The following SLIT3 variants were observed in gnomAD, a reference collection of about 807,000 sequenced individuals.
SLIT3 encodes slit homolog 3 protein.
A neutral mutation model predicts 184.0 loss-of-function variants in SLIT3; 68 were observed. The ratio of observed to expected loss-of-function variants is 0.37; its 90% CI spans 0.30 to 0.45. The LOEUF (loss-of-function observed/expected upper bound fraction) is 0.45, where lower values mean the gene tolerates loss of function less well. SLIT3 is among the 20% of genes least tolerant of loss of function. The pLI is 1.00. For synonymous variants in SLIT3, 831 were observed against 828.6 expected (o/e 1.00, Z -0.05); for missense variants, 1,707 against 2,026.0 (o/e 0.84, Z 3.02).
At chr5:169,025,578 A>G (rs62379478) in intron 4 of SLIT3, among the ~76,000 whole-genome samples, 21,744 of 152,172 alleles carry the variant, frequency 0.14, 2,845 homozygotes, top group African/African-American at 0.35. Context: ...CCTGGTAAAG[A>G]CGAGGCATAT....
At chr5:169,249,168 TGTTA>T (rs1414501492) in intron 2 of SLIT3, among the ~76,000 whole-genome samples, 15 of 152,172 alleles carry the variant, frequency 9.9e-5, no homozygotes, top group African/African-American at 3.1e-4. Context: ...ATTTTATTGG[TGTTA>T]GTTAGAAAGC....
rs143585438 is a variant in SLIT3 at position 169,143,854 on chromosome 5, A to G, written c.413+49625T>C. On this transcript the variant is annotated intron_variant, in intron 4 of 35. Coordinates refer to ENST00000519560, the MANE Select transcript of SLIT3 (RefSeq NM_003062.4). ...GTGTGTGTGATGCATGCATTAATAT[A>G]TATCAGGGAGAGAGAAAGTGAGAGA... is the stretch of plus-strand genomic sequence containing the variant. Among the ~76,000 whole-genome samples, 142 of 152,286 alleles carry G rather than the reference A, an allele frequency of 9.3e-4. 5 individuals are homozygous for G. Among genetic ancestry groups the G allele is most frequent in the African/African-American group, 3.3e-3 (138 of 41,564 alleles).
intron 4 of SLIT3, among the ~76,000 whole-genome samples, chr5:169,163,213 C>A (rs1277608793): frequency 2.6e-5 from 4 of 151,986 alleles, no homozygotes; most frequent in Non-Finnish European, 4.4e-5. Flanking sequence ...CCCAGCTACT[C>A]AGGAGGCTGA....
rs942806045 is a variant in SLIT3, at chr5:169,140,249, G to A, written c.413+53230C>T. On this transcript the variant is annotated intron_variant, in intron 4 of 35. Transcript: ENST00000519560. Reference sequence around the variant, plus strand: ...GGAGACCAAAGTGGGCAGATCACGAGGTCAGGATTTCGAGACCAGCCTGGC... The same window carrying A: ...GGAGACCAAAGTGGGCAGATCACGAAGTCAGGATTTCGAGACCAGCCTGGC... Among the ~76,000 whole-genome samples the A allele has an allele frequency of 2.7e-5, 4 of 145,840 alleles. No individual in the cohort carries two copies. The East Asian group carries it at 8.5e-4, about 31-fold the overall frequency.
intron 9 of SLIT3, among the ~76,000 whole-genome samples, chr5:168,804,296 G>A: frequency 1.1e-5 from 1 of 91,382 alleles, no homozygotes; most frequent in South Asian, 4.4e-4. Context: ...GGTGAGAAGA[G>A]TGAAACTCTT....
In SLIT3 at chr5:168,734,140, G is replaced by A. The variant is rs145078087; in HGVS notation, c.2271-9656C>T. Among the ~76,000 whole-genome samples the A allele has an allele frequency of 9.2e-4, 140 of 152,316 alleles. 1 individual carries two copies. The highest frequency in any genetic ancestry group is 1.0e-3 in the Non-Finnish European group (68 of 68,020). ...CAGACTTTACCACAACACAATATAT[G>A]CATGTAAGAAACCTGTACTTGTACC... is the stretch of plus-strand genomic sequence containing the variant. On this transcript the variant is annotated intron_variant, in intron 20 of 35. Transcript: ENST00000519560.
intron 16 of SLIT3, 82 bp downstream of exon 16, chr5:168,760,780 C>T (rs567906507): frequency 5.3e-5 from 54 of 1,016,416 alleles, no homozygotes; most frequent in South Asian, 3.1e-4. Flanking sequence ...GGGGAGAGGC[C>T]GGTCCCCTGG....
At chr5:169,088,720 T>C (rs1229494855) in intron 4 of SLIT3, among the ~76,000 whole-genome samples, 1 of 152,028 alleles carries the variant, frequency 6.6e-6, no homozygotes, top group African/African-American at 2.4e-5. Context: ...CAGGCCCTTC[T>C]TGAGAAGAGC....
intron 4 of SLIT3, among the ~76,000 whole-genome samples, chr5:169,119,571 C>G (rs1236161042): frequency 2.0e-5 from 3 of 152,212 alleles, no homozygotes; most frequent in East Asian, 1.9e-4. Context: ...TTCTTTGACA[C>G]TGACGTTTTC....
intron 23 of SLIT3, among the ~76,000 whole-genome samples, chr5:168,715,525 GA>G (rs1762696395): frequency 6.6e-6 from 1 of 152,218 alleles, no homozygotes; most frequent in Non-Finnish European, 1.5e-5. Context: ...GATGAGGGCA[GA>G]AGCAGTTTAA....
rs568578444 is a variant in SLIT3 at position 169,147,049 on chromosome 5, C to T, written c.413+46430G>A. Among the ~76,000 whole-genome samples the T allele has an allele frequency of 2.0e-5, 3 of 152,276 alleles. No individual in the cohort carries two copies. In the East Asian group the frequency reaches 5.8e-4, roughly 29 times the overall value. On this transcript the variant is annotated intron_variant, in intron 4 of 35. Coordinates refer to ENST00000519560, the MANE Select transcript of SLIT3 (RefSeq NM_003062.4). ...CTTGCTAAATGTCAATTGTTATTGT[C>T]TGTCATACTGGATTGATAGCTCCTT...
Position 168,806,469 on chromosome 5 carries a change from G to T in SLIT3, c.912C>A (p.Asn304Lys). 1 of 1,614,128 alleles carries T rather than the reference G, an allele frequency of 6.2e-7. No individual in the cohort carries two copies. Among genetic ancestry groups the T allele is most frequent in the Non-Finnish European group, 8.5e-7 (1 of 1,179,996 alleles). The change falls in exon 9 of 36, where the codon AAC (asparagine) becomes AAA (lysine). Residue 304 changes from asparagine (N) to lysine (K), a missense_variant. By Grantham distance (94) the Asn-to-Lys change is moderately conservative. Transcript: ENST00000519560. ...RGKGLMEIPA[N>K]LPEGIVEIRL... ...ACATTTCGACGATGCCCTCCGGCAA[G>T]TTGGCAGGAATCTCCATCAAGCCCT...
At chr5:168,869,976 C>A (rs916025339) in intron 5 of SLIT3, among the ~76,000 whole-genome samples, 5 of 152,232 alleles carry the variant, frequency 3.3e-5, no homozygotes, top group Non-Finnish European at 7.3e-5. Flanking sequence ...ATTTATAGAG[C>A]TGAATGCTTG....
intron 26 of SLIT3, among the ~76,000 whole-genome samples, chr5:168,705,999 T>A (rs1762362249): frequency 6.6e-6 from 1 of 152,238 alleles, no homozygotes; most frequent in African/African-American, 2.4e-5. Flanking sequence ...AAAAGAGAAC[T>A]ATACTATGTA....
intron 3 of SLIT3, among the ~76,000 whole-genome samples, chr5:169,203,622 T>G (rs1009622767): frequency 7.2e-5 from 11 of 152,138 alleles, no homozygotes; most frequent in African/African-American, 2.4e-4. Context: ...GGATCAGAGT[T>G]TTTGCACATG....
intron 4 of SLIT3, among the ~76,000 whole-genome samples, chr5:168,938,357 C>A (rs1762225428): frequency 6.6e-6 from 1 of 152,128 alleles, no homozygotes; most frequent in South Asian, 2.1e-4. Context: ...TAGCAGACAT[C>A]AGTATGTGAG....
At chr5:169,148,505 T>G (rs1762006177) in intron 4 of SLIT3, among the ~76,000 whole-genome samples, 1 of 152,230 alleles carries the variant, frequency 6.6e-6, no homozygotes, top group East Asian at 1.9e-4. Context: ...TTGTTTGCCT[T>G]CACAAAATCA....
At chr5:169,075,560 G>T (rs1758705551) in intron 4 of SLIT3, among the ~76,000 whole-genome samples, 1 of 152,168 alleles carries the variant, frequency 6.6e-6, no homozygotes, top group Admixed American at 6.5e-5. Context: ...AGCTATGCTG[G>T]AGTGGGCTGT....
At chr5:168,788,630 C>T (rs1756245768) in intron 11 of SLIT3, among the ~76,000 whole-genome samples, 1 of 150,568 alleles carries the variant, frequency 6.6e-6, no homozygotes, top group Non-Finnish European at 1.5e-5. Context: ...GTGCCAAACA[C>T]AGTTTGTGGT....
Sources: allele counts gnomAD v4.1 joint callset (sites outside exome capture counted in the v4.1 genomes callset), GRCh38; gene constraint gnomAD v4.1.1; transcripts MANE v1.5; gene names NCBI Gene and HGNC (gene_info 2026-07-23, HGNC 2026-07-21).